DSE: variants seen among roughly 807,000 people sequenced by gnomAD.
The protein encoded by DSE is dermatan sulfate epimerase, also known as dermatan-sulfate epimerase.
In DSE, 36 loss-of-function variants were observed where a neutral mutation model predicts 84.4. That is an observed-to-expected ratio of 0.43 (90% CI 0.33 to 0.56). DSE has a LOEUF of 0.56. Among genes scored for constraint, DSE ranks in the 20% least tolerant of loss-of-function variants. DSE has a pLI of 0.06. For missense variants in DSE, 862 were observed against 1,169.6 expected, an observed-to-expected ratio of 0.74 and a Z score of 3.84; for synonymous variants, 410 against 430.1, an observed-to-expected ratio of 0.95 and a Z score of 0.58.
At chr6:116,327,576 A>G (rs966621658) in intron 2 of DSE, among the ~76,000 whole-genome samples, 1 of 152,336 alleles carries the variant, frequency 6.6e-6, no homozygotes, top group Non-Finnish European at 1.5e-5. Flanking sequence ...GCTGGAGTCC[A>G]GGGGTTACAT....
Position 116,437,476 on chromosome 6 carries a change from G to A in DSE, c.*131G>A. On this transcript the variant is annotated 3_prime_UTR_variant, in exon 6 of 6. Transcript: ENST00000644252. ...TTAACAAATTAAGGGAAGATATTTT[G>A]ACACAAGAAAGCAGGAACGTGGAGA... 1 of 864,576 alleles carries A rather than the reference G, an allele frequency of 1.2e-6. No individual in the cohort carries two copies. Among genetic ancestry groups the A allele is most frequent in the South Asian group, 2.0e-5 (1 of 49,756 alleles). The allele number at this position is 864,576 out of a possible 1,614,324, so 53.6% of individuals were successfully genotyped here. A position where few individuals can be genotyped will look rare whatever the true frequency, so the allele number is the denominator to read the frequency against.
In DSE at chr6:116,439,198, T is replaced by C. The variant is rs1583242603; in HGVS notation, c.*1853T>C. 1 of 152,068 alleles carries C rather than the reference T, an allele frequency of 6.6e-6. No individual in the cohort carries two copies. Among genetic ancestry groups the C allele is most frequent in the African/African-American group, 2.4e-5 (1 of 41,392 alleles). The allele number at this position is 152,068 out of a possible 1,614,324, so 9.4% of individuals were successfully genotyped here. On this transcript the variant is annotated 3_prime_UTR_variant, in exon 6 of 6. Transcript: ENST00000644252. ...TTTGAAAGAAAAAAAAAAGGAAAAT[T>C]ATTCTTTGAGGTTACCAAGCAAACC...
rs189917270 is a variant in DSE, at chr6:116,443,563, G to A, written c.*6218G>A. 6.6e-6 allele frequency: 1 copy of A among 152,252 alleles called. No homozygotes were observed. Among genetic ancestry groups the A allele is most frequent in the Admixed American group, 6.5e-5 (1 of 15,290 alleles). The allele number at this position is 152,252 out of a possible 1,614,324, so 9.4% of individuals were successfully genotyped here. Reference sequence around the variant, plus strand: ...CTCCATTTAATTTAAAAAAGAAATAGTTTCAATTATATAAGCATTGTGATT... The same window carrying A: ...CTCCATTTAATTTAAAAAAGAAATAATTTCAATTATATAAGCATTGTGATT... On this transcript the variant is annotated 3_prime_UTR_variant, in exon 6 of 6. Coordinates refer to ENST00000644252, the MANE Select transcript of DSE (RefSeq NM_013352.4).
chr6:116,342,865 C>G (rs112942474), intron 2 of DSE, among the ~76,000 whole-genome samples: 1 of 152,040 alleles, frequency 6.6e-6, no homozygotes, highest in South Asian at 2.1e-4. Context: ...ACCTGGGAAG[C>G]GCAAGGGGTC....
chr6:116,337,539 G>C (rs1259866161), intron 2 of DSE, among the ~76,000 whole-genome samples: 1 of 151,870 alleles, frequency 6.6e-6, no homozygotes, highest in African/African-American at 2.4e-5. Context: ...TTTAATCCAG[G>C]AGGCAGAGTT....
intron 1 of DSE, among the ~76,000 whole-genome samples, chr6:116,384,176 AAGTC>A (rs1299861101): frequency 6.6e-6 from 1 of 152,196 alleles, no homozygotes; most frequent in Non-Finnish European, 1.5e-5. Context: ...ACCTAAATAA[AAGTC>A]AGCACAGAAA....
intron 1 of DSE, among the ~76,000 whole-genome samples, chr6:116,391,987 A>G (rs1215615587): frequency 6.6e-6 from 1 of 152,206 alleles, no homozygotes; most frequent in Non-Finnish European, 1.5e-5. Context: ...TTGAGGAAAC[A>G]TTCTTCAAAA....
intron 2 of DSE, among the ~76,000 whole-genome samples, chr6:116,413,436 A>G (rs1041819940): frequency 2.0e-5 from 3 of 152,200 alleles, no homozygotes; most frequent in African/African-American, 7.2e-5. Context: ...ACTCTTTAAG[A>G]TGCCCTCTTT....
rs932633962 is a variant in DSE, at chr6:116,257,548, C to T, written c.-575-898C>T. On this transcript the variant is annotated intron_variant, in intron 1 of 3. Transcript: ENST00000430252. The stretch of plus-strand genomic sequence containing the variant: ...TACCATAGAGTGGGTGGCTTGTAAA[C>T]AGTAACTTACTTCTCACAGTTCTGA... Among the ~76,000 whole-genome samples the T allele has an allele frequency of 4.5e-4, 69 of 152,168 alleles. 3 individuals are homozygous for T.
At chr6:116,257,995 C>A (rs1772217638) in intron 1 of DSE, among the ~76,000 whole-genome samples, 1 of 152,116 alleles carries the variant, frequency 6.6e-6, no homozygotes, top group Non-Finnish European at 1.5e-5. Flanking sequence ...GTTCTCAGCT[C>A]ATCAGATATA....
intron 2 of DSE, among the ~76,000 whole-genome samples, chr6:116,361,681 G>C (rs1181047965): frequency 6.6e-6 from 1 of 152,048 alleles, no homozygotes; most frequent in Non-Finnish European, 1.5e-5. Context: ...GTGTGTGTGT[G>C]TATCTCATAA....
chr6:116,338,708 A>C (rs75723119), intron 2 of DSE, among the ~76,000 whole-genome samples: 3 of 152,236 alleles, frequency 2.0e-5, no homozygotes, highest in African/African-American at 7.2e-5. Context: ...AATGTGCAAA[A>C]TCCACACAGC....
chr6:116,370,292 T>A (rs1031440257), upstream of DSE: 2 of 238,492 alleles, frequency 8.4e-6, no homozygotes, highest in East Asian at 2.4e-4. Context: ...GATTAAAATC[T>A]GTTCCGTTTG....
At chr6:116,300,734 T>A (rs7746079) in intron 2 of DSE, among the ~76,000 whole-genome samples, 6,905 of 152,246 alleles carry the variant, frequency 0.045, 202 homozygotes, top group African/African-American at 0.071. Flanking sequence ...AAATGAATGG[T>A]AACAAGTTCT....
intron 2 of DSE, among the ~76,000 whole-genome samples, chr6:116,425,737 C>G (rs958330612): frequency 6.6e-6 from 1 of 150,960 alleles, no homozygotes; most frequent in Non-Finnish European, 1.5e-5. Flanking sequence ...ATTCTCCTGC[C>G]TCAGCCTCCC....
In DSE at chr6:116,437,286, C is replaced by G; in HGVS notation, c.2818C>G (p.Leu940Val). The G allele has an allele frequency of 6.2e-7, 1 of 1,613,946 alleles. No homozygotes were observed. Among genetic ancestry groups the G allele is most frequent in the Middle Eastern group, 1.7e-4 (1 of 6,052 alleles). ...HGQRCLYAVL[L>V]IDSCILLWLY... Reference sequence around the variant, plus strand: ...CCAAAGATGTCTTTATGCAGTTCTTCTCATAGATAGCTGTATTTTATTATG... The same window carrying G: ...CCAAAGATGTCTTTATGCAGTTCTTGTCATAGATAGCTGTATTTTATTATG... The change falls in exon 6 of 6, where the codon CTC (leucine) becomes GTC (valine). Residue 940 changes from leucine to valine, a missense_variant. Leu to Val is a conservative substitution (Grantham distance 32). Coordinates refer to ENST00000644252, the MANE Select transcript of DSE (RefSeq NM_013352.4).
At chr6:116,344,503 T>G (rs1319606425) in intron 2 of DSE, among the ~76,000 whole-genome samples, 2 of 152,096 alleles carry the variant, frequency 1.3e-5, no homozygotes, top group Non-Finnish European at 2.9e-5. Flanking sequence ...GAAAAGAATT[T>G]TCAACCCAGA....
intron 2 of DSE, among the ~76,000 whole-genome samples, chr6:116,357,490 C>T (rs1474012842): frequency 6.6e-6 from 1 of 151,754 alleles, no homozygotes; most frequent in Non-Finnish European, 1.5e-5. Flanking sequence ...CGACACCGCG[C>T]CACTGCACTC....
At chr6:116,377,509 G>A (rs142757622) in intron 1 of DSE, among the ~76,000 whole-genome samples, 31 of 152,252 alleles carry the variant, frequency 2.0e-4, no homozygotes, top group South Asian at 1.7e-3. Flanking sequence ...AGATGATGTC[G>A]TGAATCCATA....
Sources: gnomAD v4.1 joint callset for allele counts (sites outside exome capture counted in the v4.1 genomes callset) on GRCh38, gnomAD v4.1.1 for gene constraint, MANE v1.5 for transcripts, NCBI Gene and HGNC (gene_info 2026-07-23, HGNC 2026-07-21) for gene names.